ST6GALNAC5: variants seen among roughly 807,000 people sequenced by gnomAD.
ST6GALNAC5 encodes the protein alpha-N-acetylgalactosaminide alpha-2,6-sialyltransferase 5.
Under a neutral mutation model 33.6 loss-of-function variants are expected in ST6GALNAC5, and 27 were observed. The observed-to-expected ratio is 0.80, with a 90% CI of 0.59 to 1.11. The LOEUF (loss-of-function observed/expected upper bound fraction) is 1.11, where lower values mean the gene tolerates loss of function less well. Ranked by LOEUF, ST6GALNAC5 falls within the 50% of genes least tolerant of loss-of-function variation. The probability of loss-of-function intolerance (pLI) is 0.00; values close to 1 mark genes in which losing one functional copy is unlikely to be tolerated. For synonymous variants in ST6GALNAC5, 194 were observed against 171.2 expected, an observed-to-expected ratio of 1.13 and a Z score of -1.04; for missense variants, 428 against 454.0, an observed-to-expected ratio of 0.94 and a Z score of 0.52.
At chr1:76,898,830 A>C (rs1019933515) in intron 2 of ST6GALNAC5, among the ~76,000 whole-genome samples, 6 of 152,144 alleles carry the variant, frequency 3.9e-5, no homozygotes, top group African/African-American at 1.4e-4. Context: ...CTGAGGAAGA[A>C]TTCGGACCTA....
chr1:77,008,207 A>C (rs2100420471), intron 2 of ST6GALNAC5, among the ~76,000 whole-genome samples: 1 of 152,224 alleles, frequency 6.6e-6, no homozygotes, highest in African/African-American at 2.4e-5. Context: ...GCCAGCTAAA[A>C]CTCACTTCAT....
chr1:76,966,774 C>G (rs558463075), intron 2 of ST6GALNAC5, among the ~76,000 whole-genome samples: 146 of 152,304 alleles, frequency 9.6e-4, no homozygotes, highest in Non-Finnish European at 1.7e-3. Context: ...TACGTTCCAT[C>G]AATACCTAGT....
chr1:76,953,975 T>G (rs1245858061), intron 2 of ST6GALNAC5, among the ~76,000 whole-genome samples: 1 of 152,144 alleles, frequency 6.6e-6, no homozygotes, highest in African/African-American at 2.4e-5. Flanking sequence ...ATAATGCTTG[T>G]GCGTAACAAC....
intron 2 of ST6GALNAC5, among the ~76,000 whole-genome samples, chr1:76,958,634 G>GATTTTTTA (rs1648102058): frequency 6.6e-6 from 1 of 152,066 alleles, no homozygotes; most frequent in Non-Finnish European, 1.5e-5. Context: ...TTTAATAGTA[G>GATTTTTTA]ATGGCACATT....
rs1299622818 is a variant in ST6GALNAC5, at chr1:77,044,531, C to T, written c.589C>T (p.Pro197Ser). 6.2e-7 allele frequency: 1 copy of T among 1,609,950 alleles called. No individual in the cohort carries two copies. The highest frequency in any genetic ancestry group is 8.5e-7 in the Non-Finnish European group (1 of 1,177,580). Residue 197 changes from proline (P) to serine (S), a missense_variant, in exon 3 of 5, where the codon CCC becomes TCC. Pro to Ser is a moderately conservative substitution (Grantham distance 74). Transcript: ENST00000477717. The part of the protein sequence containing the change: ...NNLHLLSQVL[P>S]RLKAFMITRH... ...CCTGCATCTCCTGAGCCAGGTGCTG[C>T]CCCGGCTGAAGGCCTTCATGATTAC...
intron 2 of ST6GALNAC5, among the ~76,000 whole-genome samples, chr1:77,001,637 G>C (rs1318091510): frequency 1.3e-5 from 2 of 152,116 alleles, no homozygotes; most frequent in Non-Finnish European, 2.9e-5. Flanking sequence ...GTTTGTCGTA[G>C]ATAGCTCTTA....
At chr1:77,038,937 C>T (rs1651746374) in intron 2 of ST6GALNAC5, among the ~76,000 whole-genome samples, 1 of 152,176 alleles carries the variant, frequency 6.6e-6, no homozygotes, top group Non-Finnish European at 1.5e-5. Context: ...CTCATTCACA[C>T]ATTCTAAAAT....
intron 2 of ST6GALNAC5, among the ~76,000 whole-genome samples, chr1:76,934,499 G>A (rs1036919351): frequency 2.0e-5 from 3 of 151,990 alleles, no homozygotes; most frequent in Admixed American, 6.6e-5. Context: ...ATTATCACCC[G>A]GGTTCTGCAG....
At chr1:77,003,346 A>G (rs1471040906) in intron 2 of ST6GALNAC5, among the ~76,000 whole-genome samples, 12 of 144,518 alleles carry the variant, frequency 8.3e-5, no homozygotes, top group Admixed American at 1.4e-4. Context: ...TTGGCTTGGT[A>G]GATCTTCCTC....
At chr1:76,994,907 G>A (rs1004342078) in intron 2 of ST6GALNAC5, among the ~76,000 whole-genome samples, 6 of 152,040 alleles carry the variant, frequency 3.9e-5, no homozygotes, top group African/African-American at 9.7e-5. Flanking sequence ...TTGTCTATCC[G>A]GGCTCAAACA....
At chr1:76,983,504 G>A (rs886869265) in intron 2 of ST6GALNAC5, among the ~76,000 whole-genome samples, 35 of 151,582 alleles carry the variant, frequency 2.3e-4, no homozygotes, top group Middle Eastern at 3.4e-3. Context: ...GAGCACCCAG[G>A]TTCATAAAAC....
chr1:76,975,166 G>A (rs1214497847), intron 2 of ST6GALNAC5, among the ~76,000 whole-genome samples: 7 of 152,032 alleles, frequency 4.6e-5, no homozygotes, highest in Non-Finnish European at 4.4e-5. Flanking sequence ...CTTTTCTTAT[G>A]AGGATACTTC....
In ST6GALNAC5 at chr1:77,040,667, A is replaced by T. The variant is rs78424231; in HGVS notation, c.262-3537A>T. Among the ~76,000 whole-genome samples the T allele has an allele frequency of 4.4e-3, 667 of 152,316 alleles. 1 individual carries two copies. Among genetic ancestry groups the T allele is most frequent in the Non-Finnish European group, 6.7e-3 (456 of 68,020 alleles). The stretch of plus-strand genomic sequence containing the variant: ...GAGAATCAAAGCAGAATAATTAATT[A>T]AGGGGAAAGAGATGCTACTGGGACC... On this transcript the variant is annotated intron_variant, in intron 2 of 4. Coordinates refer to ENST00000477717, the MANE Select transcript of ST6GALNAC5 (RefSeq NM_030965.3).
chr1:76,995,676 CATA>C (rs973435205), intron 2 of ST6GALNAC5, among the ~76,000 whole-genome samples: 2 of 151,700 alleles, frequency 1.3e-5, no homozygotes, highest in East Asian at 3.9e-4. Context: ...ATTAATATGA[CATA>C]ATAATATAAT....
At chr1:76,887,931 C>T (rs978560284) in intron 2 of ST6GALNAC5, among the ~76,000 whole-genome samples, 1 of 151,976 alleles carries the variant, frequency 6.6e-6, no homozygotes, top group East Asian at 1.9e-4. Flanking sequence ...TTCTATTTCC[C>T]CTCCCACCAT....
chr1:77,000,887 T>G (rs1233628563), intron 2 of ST6GALNAC5, among the ~76,000 whole-genome samples: 1 of 152,182 alleles, frequency 6.6e-6, no homozygotes. Flanking sequence ...CTGTTTTGGT[T>G]ACTGTAGCCT....
chr1:76,925,372 G>A (rs1185777186), intron 2 of ST6GALNAC5, among the ~76,000 whole-genome samples: 1 of 152,110 alleles, frequency 6.6e-6, no homozygotes, highest in Non-Finnish European at 1.5e-5. Flanking sequence ...CAAAGACATA[G>A]TTTATTATTA....
intron 2 of ST6GALNAC5, among the ~76,000 whole-genome samples, chr1:76,966,313 T>G (rs6669597): frequency 0.025 from 3,866 of 152,314 alleles, 157 homozygotes; most frequent in African/African-American, 0.084. Flanking sequence ...GAAGAGGTCC[T>G]TCACATCCCT....
At chr1:76,873,330 C>A (rs1653552742) in intron 2 of ST6GALNAC5, among the ~76,000 whole-genome samples, 2 of 152,198 alleles carry the variant, frequency 1.3e-5, no homozygotes, top group Admixed American at 1.3e-4. Flanking sequence ...CCTTATAACA[C>A]TTAACAATAT....
Sources: gnomAD v4.1 joint callset for allele counts (sites outside exome capture counted in the v4.1 genomes callset) on GRCh38, gnomAD v4.1.1 for gene constraint, MANE v1.5 for transcripts, NCBI Gene and HGNC (gene_info 2026-07-23, HGNC 2026-07-21) for gene names.